The following DOCK3 variants were observed in gnomAD, a reference collection of about 807,000 sequenced individuals.
DOCK3 encodes the protein dedicator of cytokinesis 3.
In DOCK3, 60 loss-of-function variants were observed where a neutral mutation model predicts 265.6. The ratio of observed to expected loss-of-function variants is 0.23; its 90% CI spans 0.18 to 0.28. DOCK3 has a LOEUF of 0.28. DOCK3 is among the 10% of genes least tolerant of loss of function. DOCK3 has a pLI of 1.00. For missense variants in DOCK3, 1,981 were observed against 2,594.3 expected (o/e 0.76, Z 5.14); for synonymous variants, 881 against 938.0 (o/e 0.94, Z 1.11).
chr3:50,900,207 C>T (rs182111213), intron 4 of DOCK3, among the ~76,000 whole-genome samples: 3 of 152,100 alleles, frequency 2.0e-5, no homozygotes, highest in Admixed American at 6.6e-5. Context: ...CTTGTCTTCT[C>T]GCTTTATTTC....
At chr3:51,063,832 A>C (rs1458336291) in intron 5 of DOCK3, among the ~76,000 whole-genome samples, 2 of 152,214 alleles carry the variant, frequency 1.3e-5, no homozygotes, top group Non-Finnish European at 1.5e-5. Flanking sequence ...TAACTCTTAC[A>C]AAGGTGACAA....
chr3:51,233,280 G>A (rs1378614753), intron 19 of DOCK3, among the ~76,000 whole-genome samples: 1 of 152,058 alleles, frequency 6.6e-6, no homozygotes, highest in Admixed American at 6.6e-5. Context: ...CCATTTGTTT[G>A]TGTCATTTAT....
At chr3:50,776,694 T>G (rs2041620740) in intron 1 of DOCK3, among the ~76,000 whole-genome samples, 1 of 152,160 alleles carries the variant, frequency 6.6e-6, no homozygotes, top group South Asian at 2.1e-4. Context: ...TTGCAGAATT[T>G]TTATGGTTTC....
intron 1 of DOCK3, among the ~76,000 whole-genome samples, chr3:50,694,241 G>T (rs1166101218): frequency 6.6e-6 from 1 of 152,010 alleles, no homozygotes; most frequent in East Asian, 1.9e-4. Flanking sequence ...CTGCACACCA[G>T]CCTGGGGGAT....
chr3:50,736,698 T>C (rs2038647020), intron 1 of DOCK3, among the ~76,000 whole-genome samples: 1 of 108,750 alleles, frequency 9.2e-6, no homozygotes, highest in African/African-American at 5.5e-5. Flanking sequence ...ATAAATGTCT[T>C]TTTTTTTTTT....
chr3:50,801,129 T>G (rs1190007765), intron 2 of DOCK3, among the ~76,000 whole-genome samples: 1 of 152,144 alleles, frequency 6.6e-6, no homozygotes, highest in Non-Finnish European at 1.5e-5. Context: ...CAAGGCAATT[T>G]ACTTCTATAG....
chr3:51,374,445 T>G lies in DOCK3; in HGVS notation c.5294-24T>G. 1 of 1,601,426 alleles carries G rather than the reference T, an allele frequency of 6.2e-7. No homozygotes were observed. The highest frequency in any genetic ancestry group is 1.3e-5 in the African/African-American group (1 of 74,668). ...TCCATCTGTGGCTTGTCATCTGTGC[T>G]TGATTGTTCTCACTTGGTTACAGGC... On this transcript the variant is annotated intron_variant, in intron 49 of 52. Transcript: ENST00000266037. This position sits in a 1 kb window ranked among gnomAD's most constrained non-coding sequence, Gnocchi z 4.8.
At chr3:50,726,958 G>T (rs1369901381) in intron 1 of DOCK3, among the ~76,000 whole-genome samples, 1 of 152,182 alleles carries the variant, frequency 6.6e-6, no homozygotes, top group African/African-American at 2.4e-5. Context: ...ACTTACTAGA[G>T]AGAGGTTTTA....
At chr3:50,801,466 G>A (rs887406877) in intron 2 of DOCK3, among the ~76,000 whole-genome samples, 8 of 152,148 alleles carry the variant, frequency 5.3e-5, no homozygotes, top group African/African-American at 9.7e-5. Context: ...GGTGGAGCAG[G>A]TGATTGAAAA....
chr3:51,263,516 C>T (rs1163790875), intron 23 of DOCK3, among the ~76,000 whole-genome samples: 7 of 152,148 alleles, frequency 4.6e-5, no homozygotes, highest in African/African-American at 9.7e-5. Flanking sequence ...CATCAACTAA[C>T]GGGCAAAATA....
At chr3:51,002,502 C>T (rs2078523742) in intron 5 of DOCK3, among the ~76,000 whole-genome samples, 2 of 152,108 alleles carry the variant, frequency 1.3e-5, no homozygotes, top group South Asian at 2.1e-4. Context: ...TGACTGAATT[C>T]TTAGCTTATC....
intron 5 of DOCK3, among the ~76,000 whole-genome samples, chr3:51,051,220 G>A (rs2080983040): frequency 6.6e-6 from 1 of 152,148 alleles, no homozygotes; most frequent in African/African-American, 2.4e-5. Flanking sequence ...AAATTTAAAG[G>A]AAGAAAAGGA....
chr3:51,341,363 T>C lies in DOCK3; in HGVS notation c.3893T>C (p.Ile1298Thr). The change falls in exon 38 of 53, where the codon ATT becomes ACT. Residue 1298 changes from isoleucine (I) to threonine (T), a missense_variant. This residue lies in a region of DOCK3 where 1,357 missense variants were observed against 1,866.8 expected (regional missense o/e 0.73). Coordinates refer to ENST00000266037, the MANE Select transcript of DOCK3 (RefSeq NM_004947.5). ...QRKEGLCRKI[I>T]HYFNKGKSWE... ...AAGGAGGGACTGTGCCGGAAGATCATTCACTACTTCAACAAAGGCAAGGTA... is the reference window on the plus strand; with the variant it reads ...AAGGAGGGACTGTGCCGGAAGATCACTCACTACTTCAACAAAGGCAAGGTA... 4 of 1,613,858 alleles carry C rather than the reference T, an allele frequency of 2.5e-6. No individual in the cohort carries two copies. Among genetic ancestry groups the C allele is most frequent in the Non-Finnish European group, 3.4e-6 (4 of 1,179,814 alleles).
chr3:51,356,373 T>C (rs775837034), intron 42 of DOCK3, 34 bp from the exon 43 acceptor site: 1 of 1,613,106 alleles, frequency 6.2e-7, no homozygotes, highest in Non-Finnish European at 8.5e-7. Flanking sequence ...AAAACTTGCC[T>C]AACTGCCCAT....
chr3:51,159,407 T>A (rs2086021019), intron 11 of DOCK3, 103 bp downstream of exon 11: 2 of 1,081,356 alleles, frequency 1.8e-6, no homozygotes, highest in Non-Finnish European at 1.4e-6. Flanking sequence ...TACCTGTAAT[T>A]TCAGGTCTCA....
chr3:50,951,166 G>GATATCCTCATTTA (rs1408080781), intron 5 of DOCK3, among the ~76,000 whole-genome samples: 1 of 152,076 alleles, frequency 6.6e-6, no homozygotes, highest in Non-Finnish European at 1.5e-5. Flanking sequence ...TTGTGAGATG[G>GATATCCTCATTTA]GCATTGATAT....
intron 4 of DOCK3, 106 bp downstream of exon 4, chr3:50,890,187 C>T: frequency 2.3e-6 from 2 of 861,216 alleles, no homozygotes; most frequent in East Asian, 6.7e-5. Flanking sequence ...GATATGTTTT[C>T]CTGGCAAAAA....
intron 14 of DOCK3, among the ~76,000 whole-genome samples, chr3:51,216,077 G>A (rs1382802334): frequency 6.6e-6 from 1 of 152,032 alleles, no homozygotes; most frequent in East Asian, 1.9e-4. Context: ...GGCTTATGTG[G>A]TGGAGTATAT....
At chr3:51,017,241 C>G (rs927797186) in intron 5 of DOCK3, among the ~76,000 whole-genome samples, 1 of 150,742 alleles carries the variant, frequency 6.6e-6, no homozygotes, top group Non-Finnish European at 1.5e-5. Context: ...TTTTTCATCT[C>G]TGATTTTATT....
Sources: gnomAD v4.1 joint callset for allele counts (sites outside exome capture counted in the v4.1 genomes callset) on GRCh38, gnomAD v4.1.1 for gene constraint, gnomAD v4.1.1 regional missense constraint, Gnocchi (gnomAD v3.1) non-coding constraint, MANE v1.5 for transcripts, NCBI Gene and HGNC (gene_info 2026-07-23, HGNC 2026-07-21) for gene names.